The following PTP4A2 variants were observed in gnomAD, a reference collection of about 807,000 sequenced individuals.
PTP4A2 encodes protein tyrosine phosphatase type IVA 2.
PTP4A2 carries 2 observed loss-of-function variants against 22.9 expected under a neutral mutation model. The ratio of observed to expected loss-of-function variants is 0.09; its 90% confidence interval spans 0.04 to 0.27. PTP4A2 has a LOEUF of 0.27. PTP4A2 is among the 10% of genes least tolerant of loss of function. The pLI is 1.00. For missense variants in PTP4A2, 103 were observed against 205.1 expected (o/e 0.50, Z 3.04); for synonymous variants, 68 against 69.1 (o/e 0.98, Z 0.08).
chr1:31,922,772 T>C (rs1332935567), intron 1 of PTP4A2, among the ~76,000 whole-genome samples: 2 of 151,856 alleles, frequency 1.3e-5, no homozygotes, highest in Admixed American at 1.3e-4. Flanking sequence ...GGAACACAGG[T>C]GCACACCACC....
At chr1:31,911,941 A>C in intron 3 of PTP4A2, 115 bp from the exon 4 acceptor site, 2 of 574,454 alleles carry the variant, frequency 3.5e-6, no homozygotes. Context: ...ACTGCACTAT[A>C]TATACCTATT....
intron 1 of PTP4A2, among the ~76,000 whole-genome samples, chr1:31,929,032 C>T (rs1324387396): frequency 6.6e-6 from 1 of 152,110 alleles, no homozygotes. Flanking sequence ...GCATGTACCC[C>T]GGTGATTAAC....
Sources: allele counts gnomAD v4.1 joint callset (sites outside exome capture counted in the v4.1 genomes callset), GRCh38; gene constraint gnomAD v4.1.1; transcripts MANE v1.5; gene names NCBI Gene and HGNC (gene_info 2026-07-23, HGNC 2026-07-21).